The following PTPRG variants were observed in gnomAD, a reference collection of about 807,000 sequenced individuals.
The protein encoded by PTPRG is receptor-type tyrosine-protein phosphatase gamma.
In PTPRG, 102 loss-of-function variants were observed where a neutral mutation model predicts 165.3. That is an observed-to-expected ratio of 0.62 (90% CI 0.53 to 0.73). The LOEUF is 0.73. Ranked by LOEUF, PTPRG falls within the 30% of genes least tolerant of loss-of-function variation. The pLI is 0.00. For missense variants in PTPRG, 1,866 were observed against 1,861.4 expected (o/e 1.00, Z -0.05); for synonymous variants, 675 against 669.5 (o/e 1.01, Z -0.13).
At chr3:62,293,025 T>A (rs998959372) in intron 29 of PTPRG, 136 bp from the exon 30 acceptor site, 2 of 722,076 alleles carry the variant, frequency 2.8e-6, no homozygotes, top group East Asian at 2.9e-5. Flanking sequence ...TTTTTTTTAG[T>A]TTTTTTAGAT....
At chr3:61,652,459 A>T (rs17065157) in intron 1 of PTPRG, among the ~76,000 whole-genome samples, 6,073 of 151,966 alleles carry the variant, frequency 0.04, 364 homozygotes, top group African/African-American at 0.13. Flanking sequence ...GGTGCAATCT[A>T]TTTTCCCTGA....
At chr3:62,051,718 C>T (rs1264443392) in intron 4 of PTPRG, among the ~76,000 whole-genome samples, 1 of 152,042 alleles carries the variant, frequency 6.6e-6, no homozygotes, top group Non-Finnish European at 1.5e-5. Flanking sequence ...TTTTAGAATA[C>T]TAGTTTTATG....
At position 61,733,565 on chromosome 3, in the gene PTPRG, T is replaced by G. The variant is rs1182300818; in HGVS notation, c.86-15313T>G. ...TGGTAAGTGCTAAAGAAGCATTACC[T>G]ATCACCAGCACCATTACTCATTTTC... is the stretch of plus-strand genomic sequence containing the variant. On this transcript the variant is annotated intron_variant, in intron 1 of 29. Transcript: ENST00000474889. 3.9e-5 allele frequency among the ~76,000 whole-genome samples: 6 copies of G among 152,226 alleles called. No individual in the cohort carries two copies. In the East Asian group the frequency reaches 1.2e-3, roughly 29 times the overall value.
intron 1 of PTPRG, among the ~76,000 whole-genome samples, chr3:61,564,280 T>C (rs1461288167): frequency 2.0e-5 from 3 of 152,164 alleles, no homozygotes; most frequent in South Asian, 2.1e-4. Context: ...CACTCTTTAA[T>C]GGGTGCAGTG....
At chr3:61,864,193 C>G (rs1208293683) in intron 2 of PTPRG, among the ~76,000 whole-genome samples, 1 of 152,142 alleles carries the variant, frequency 6.6e-6, no homozygotes, top group African/African-American at 2.4e-5. Context: ...ATGGATAATT[C>G]TCAATAAATG....
At chr3:61,905,784 G>T (rs966211331) in intron 2 of PTPRG, among the ~76,000 whole-genome samples, 6 of 152,174 alleles carry the variant, frequency 3.9e-5, no homozygotes, top group African/African-American at 1.4e-4. Flanking sequence ...TTTCAACTGA[G>T]TCAAAAATAA....
intron 1 of PTPRG, among the ~76,000 whole-genome samples, chr3:61,666,798 A>G (rs1311752462): frequency 6.6e-6 from 1 of 152,222 alleles, no homozygotes; most frequent in African/African-American, 2.4e-5. Context: ...TCCTCTTTGT[A>G]ATACCAGAGA....
intron 2 of PTPRG, among the ~76,000 whole-genome samples, chr3:61,798,730 A>G (rs1005253345): frequency 3.3e-5 from 5 of 151,770 alleles, no homozygotes; most frequent in African/African-American, 9.7e-5. Flanking sequence ...GCATCTTCCA[A>G]TAAAAGTTGG....
chr3:62,206,619 C>A (rs1019639848), intron 12 of PTPRG, among the ~76,000 whole-genome samples: 4 of 152,016 alleles, frequency 2.6e-5, no homozygotes, highest in African/African-American at 9.7e-5. Context: ...TACTGGTCCC[C>A]AAGTAACTGC....
At chr3:61,646,085 T>A (rs1269600543) in intron 1 of PTPRG, among the ~76,000 whole-genome samples, 10 of 152,176 alleles carry the variant, frequency 6.6e-5, no homozygotes, top group Admixed American at 5.9e-4. Flanking sequence ...ATGGTTTGTT[T>A]TTGATTCTCT....
At chr3:62,277,226 C>CA (rs1292330113) in intron 25 of PTPRG, among the ~76,000 whole-genome samples, 178 bp downstream of exon 25, 4 of 152,058 alleles carry the variant, frequency 2.6e-5, no homozygotes, top group South Asian at 2.1e-4. Context: ...AGTGCTGGTA[C>CA]AAAAATGCTT....
At chr3:61,888,129 A>G (rs1424720749) in intron 2 of PTPRG, among the ~76,000 whole-genome samples, 3 of 152,140 alleles carry the variant, frequency 2.0e-5, no homozygotes, top group African/African-American at 7.2e-5. Context: ...TCAAACTTAG[A>G]GAAAAGTTGA....
chr3:61,582,884 A>C (rs1700335552), intron 1 of PTPRG, among the ~76,000 whole-genome samples: 1 of 152,228 alleles, frequency 6.6e-6, no homozygotes, highest in African/African-American at 2.4e-5. Flanking sequence ...AATGTGTTGC[A>C]GTGTAAGACT....
intron 7 of PTPRG, among the ~76,000 whole-genome samples, chr3:62,158,723 C>T (rs1704632461): frequency 6.6e-6 from 1 of 152,130 alleles, no homozygotes; most frequent in African/African-American, 2.4e-5. Flanking sequence ...TCATGTAAGG[C>T]CAGGCTGAAC....
chr3:61,850,046 C>G (rs138890337), intron 2 of PTPRG, among the ~76,000 whole-genome samples: 260 of 152,268 alleles, frequency 1.7e-3, no homozygotes, highest in African/African-American at 5.9e-3. Flanking sequence ...TTCTCCCCTT[C>G]TTCTCAAATA....
chr3:61,705,258 T>C (rs1441790284), intron 1 of PTPRG, among the ~76,000 whole-genome samples: 1 of 152,170 alleles, frequency 6.6e-6, no homozygotes, highest in Non-Finnish European at 1.5e-5. Context: ...AAGTGGAAAT[T>C]ACAGTTCTGA....
chr3:61,671,773 C>G (rs1438003550), intron 1 of PTPRG, among the ~76,000 whole-genome samples: 1 of 129,928 alleles, frequency 7.7e-6, no homozygotes, highest in Non-Finnish European at 1.6e-5. Flanking sequence ...GGGGGGCTGA[C>G]CCCCCCACCT....
intron 2 of PTPRG, among the ~76,000 whole-genome samples, chr3:61,986,959 G>A (rs766278367): frequency 4.6e-5 from 7 of 151,344 alleles, no homozygotes; most frequent in Non-Finnish European, 1.0e-4. Flanking sequence ...ATTCAAATTT[G>A]TGAAAAACAA....
At chr3:62,019,171 TG>T (rs1239121724) in intron 4 of PTPRG, among the ~76,000 whole-genome samples, 3 of 152,198 alleles carry the variant, frequency 2.0e-5, no homozygotes, top group Non-Finnish European at 2.9e-5. Context: ...GAGGTCCCTC[TG>T]CGACCTCCTG....
Sources: gnomAD v4.1 joint callset for allele counts (sites outside exome capture counted in the v4.1 genomes callset) on GRCh38, gnomAD v4.1.1 for gene constraint, MANE v1.5 for transcripts, NCBI Gene and HGNC (gene_info 2026-07-23, HGNC 2026-07-21) for gene names.